The following COBL variants were observed in gnomAD, a reference collection of about 807,000 sequenced individuals.
COBL encodes cordon-bleu WH2 repeat protein, also known as protein cordon-bleu.
COBL carries 51 observed loss-of-function variants against 98.8 expected under a neutral mutation model. That is an observed-to-expected ratio of 0.52 (90% CI 0.41 to 0.65). The LOEUF is 0.65. COBL is among the 30% of genes least tolerant of loss of function. The probability of loss-of-function intolerance (pLI) is 0.00; values close to 1 mark genes in which losing one functional copy is unlikely to be tolerated. For synonymous variants in COBL, 634 were observed against 651.7 expected, an observed-to-expected ratio of 0.97 and a Z score of 0.41; for missense variants, 1,617 against 1,617.5, an observed-to-expected ratio of 1.00 and a Z score of 0.01.
At chr7:51,054,207 C>T (rs781136843) in intron 7 of COBL, among the ~76,000 whole-genome samples, 5 of 152,176 alleles carry the variant, frequency 3.3e-5, no homozygotes, top group African/African-American at 4.8e-5. Flanking sequence ...AACAAACAAA[C>T]AAAGAACACA....
intron 6 of COBL, among the ~76,000 whole-genome samples, chr7:51,123,101 A>G (rs575713621): frequency 1.3e-5 from 2 of 152,370 alleles, no homozygotes; most frequent in South Asian, 4.1e-4. Context: ...CAAGACTTTT[A>G]AAGTCTCATA....
Position 51,043,711 on chromosome 7 carries a change from G to C in COBL, c.1097-19C>G. The stretch of plus-strand genomic sequence containing the variant: ...AGGCTTACTGGACAAGACACGGCAA[G>C]GACAGGTCAGCCCAAACCACTCTGG... On this transcript the variant is annotated intron_variant, in intron 7 of 12. Transcript: ENST00000265136. 1.2e-6 allele frequency: 2 copies of C among 1,604,074 alleles called. No individual in the cohort carries two copies. The highest frequency in any genetic ancestry group is 1.1e-5 in the South Asian group (1 of 89,938).
chr7:51,260,442 C>G (rs1004753013), intron 1 of COBL, among the ~76,000 whole-genome samples: 1 of 152,204 alleles, frequency 6.6e-6, no homozygotes, highest in African/African-American at 2.4e-5. Flanking sequence ...TTCTAAACAT[C>G]CACAAATGAG....
intron 7 of COBL, among the ~76,000 whole-genome samples, chr7:51,078,983 C>T (rs1417263742): frequency 2.6e-5 from 4 of 152,236 alleles, no homozygotes; most frequent in Non-Finnish European, 5.9e-5. Flanking sequence ...TCCTTTTCAA[C>T]CCTAATCTTG....
intron 5 of COBL, among the ~76,000 whole-genome samples, chr7:51,162,304 C>T (rs2129035805): frequency 6.6e-6 from 1 of 152,270 alleles, no homozygotes; most frequent in Admixed American, 6.5e-5. Flanking sequence ...TTCACAGATA[C>T]AGAAAGGAGT....
Position 51,046,319 on chromosome 7 carries a change from C to T in COBL, c.1097-2627G>A, listed in dbSNP as rs113972971. Among the ~76,000 whole-genome samples, 671 of 152,242 alleles carry T rather than the reference C, an allele frequency of 4.4e-3. 6 individuals are homozygous for T. The highest frequency in any genetic ancestry group is 0.015 in the African/African-American group (622 of 41,552). On this transcript the variant is annotated intron_variant, in intron 7 of 12. Coordinates refer to ENST00000265136, the MANE Select transcript of COBL (RefSeq NM_015198.5). ...AAGGCTTTGAGGAGGGTGATGGAGG[C>T]TGAGTGGGGAACTTTCCAGAGAAGC...
chr7:51,143,317 A>G (rs953942556), intron 5 of COBL, among the ~76,000 whole-genome samples: 1 of 152,196 alleles, frequency 6.6e-6, no homozygotes, highest in Non-Finnish European at 1.5e-5. Flanking sequence ...TATAAAAATA[A>G]TACAATCCTA....
intron 6 of COBL, among the ~76,000 whole-genome samples, chr7:51,135,259 G>A (rs917046529): frequency 1.9e-4 from 29 of 152,204 alleles, no homozygotes; most frequent in African/African-American, 6.3e-4. Context: ...TACTGCACCC[G>A]GCCTAGAAAA....
At chr7:51,226,326 G>A (rs913849494) in intron 1 of COBL, among the ~76,000 whole-genome samples, 1 of 152,184 alleles carries the variant, frequency 6.6e-6, no homozygotes, top group African/African-American at 2.4e-5. Flanking sequence ...CTCTCCATGA[G>A]ATTCTTCAGC....
At chr7:51,065,870 G>A (rs1583663859) in intron 7 of COBL, among the ~76,000 whole-genome samples, 1 of 152,232 alleles carries the variant, frequency 6.6e-6, no homozygotes, top group African/African-American at 2.4e-5. Flanking sequence ...CAGGACTGGT[G>A]TCCTTATAAG....
At chr7:51,295,280 T>A (rs1801317775) in intron 1 of COBL, among the ~76,000 whole-genome samples, 1 of 110,730 alleles carries the variant, frequency 9.0e-6, no homozygotes, top group African/African-American at 3.9e-5. Flanking sequence ...GGCAAGACTC[T>A]GGCTCAAAAA....
intron 1 of COBL, among the ~76,000 whole-genome samples, chr7:51,282,350 A>C (rs1488643729): frequency 6.6e-6 from 1 of 152,106 alleles, no homozygotes; most frequent in African/African-American, 2.4e-5. Context: ...AAATATGATT[A>C]TGTAGGTGGT....
chr7:51,219,335 G>A (rs967982041), intron 2 of COBL, among the ~76,000 whole-genome samples: 9 of 152,180 alleles, frequency 5.9e-5, no homozygotes, highest in African/African-American at 2.2e-4. Flanking sequence ...CTGCAAGTAG[G>A]TGTGGGAATG....
intron 7 of COBL, among the ~76,000 whole-genome samples, chr7:51,046,132 C>G (rs1026820641): frequency 1.3e-5 from 2 of 152,128 alleles, no homozygotes; most frequent in African/African-American, 2.4e-5. Context: ...ATTGAAAAGA[C>G]AACTGTCTAA....
intron 5 of COBL, 151 bp from the exon 6 acceptor site, chr7:51,136,482 T>G: frequency 1.3e-6 from 1 of 773,138 alleles, no homozygotes; most frequent in Non-Finnish European, 2.0e-6. Flanking sequence ...GAGCAAGCCC[T>G]GCCTGTAGCT....
intron 6 of COBL, among the ~76,000 whole-genome samples, chr7:51,091,917 C>A (rs1794846452): frequency 6.6e-6 from 1 of 152,210 alleles, no homozygotes; most frequent in African/African-American, 2.4e-5. Context: ...ACCTGCCAAT[C>A]AAGGATACTT....
chr7:51,054,273 C>G (rs1235757136), intron 7 of COBL, among the ~76,000 whole-genome samples: 1 of 152,066 alleles, frequency 6.6e-6, no homozygotes, highest in South Asian at 2.1e-4. Context: ...AAACTTCTTT[C>G]TTGGCCAGTT....
intron 6 of COBL, among the ~76,000 whole-genome samples, chr7:51,102,697 T>C (rs1274868982): frequency 6.6e-6 from 1 of 152,122 alleles, no homozygotes. Flanking sequence ...AATAAGAAAA[T>C]GAGCAGGATT....
chr7:51,282,898 T>G (rs1290713098), intron 1 of COBL, among the ~76,000 whole-genome samples: 1 of 151,862 alleles, frequency 6.6e-6, no homozygotes, highest in Non-Finnish European at 1.5e-5. Context: ...GTAACAAAGA[T>G]AACCATAAAA....
Sources: gnomAD v4.1 joint callset for allele counts (sites outside exome capture counted in the v4.1 genomes callset) on GRCh38, gnomAD v4.1.1 for gene constraint, MANE v1.5 for transcripts, NCBI Gene and HGNC (gene_info 2026-07-23, HGNC 2026-07-21) for gene names.